The following SUSD5 variants were observed in gnomAD, a reference collection of about 807,000 sequenced individuals.
SUSD5 encodes sushi domain-containing protein 5.
Under a neutral mutation model 29.5 loss-of-function variants are expected in SUSD5, and 33 were observed. That is an observed-to-expected ratio of 1.12 (90% CI 0.85 to 1.49). The LOEUF is 1.49. SUSD5 is among the 40% of genes most tolerant of loss of function. The pLI is 0.00. For synonymous variants in SUSD5, 308 were observed against 325.3 expected (o/e 0.95, Z 0.57); for missense variants, 776 against 800.6 (o/e 0.97, Z 0.37).
At chr3:33,162,105 T>C (rs2031201863) in intron 4 of SUSD5, among the ~76,000 whole-genome samples, 1 of 152,212 alleles carries the variant, frequency 6.6e-6, no homozygotes, top group African/African-American at 2.4e-5. Flanking sequence ...GACTGAATCA[T>C]ACATACATTT....
At position 33,163,137 on chromosome 3, in the gene SUSD5, C is replaced by G. The variant is rs535713932; in HGVS notation, c.599-9104G>C. Among the ~76,000 whole-genome samples the G allele has an allele frequency of 6.6e-5, 10 of 152,170 alleles. No homozygotes were observed. In the South Asian group the frequency reaches 2.1e-3, roughly 32 times the overall value. On this transcript the variant is annotated intron_variant, in intron 4 of 4. Coordinates refer to ENST00000309558, the MANE Select transcript of SUSD5 (RefSeq NM_015551.2). ...TTAAGAGGATAATTCCAATCTTATA[C>G]AAACTCTTCCAGACAAAAGAGAAAG...
chr3:33,166,603 C>T (rs910181825), intron 4 of SUSD5, among the ~76,000 whole-genome samples: 5 of 152,188 alleles, frequency 3.3e-5, no homozygotes, highest in Admixed American at 6.5e-5. Context: ...TTCCTGAGAA[C>T]AAGGGCATGT....
At chr3:33,157,779 G>C (rs2031087283) in intron 4 of SUSD5, among the ~76,000 whole-genome samples, 1 of 152,214 alleles carries the variant, frequency 6.6e-6, no homozygotes, top group East Asian at 1.9e-4. Flanking sequence ...AAGGATAAAA[G>C]ACCCCATGAA....
intron 2 of SUSD5, among the ~76,000 whole-genome samples, chr3:33,210,136 T>C (rs1383240639): frequency 1.3e-5 from 2 of 152,256 alleles, no homozygotes; most frequent in South Asian, 2.1e-4. Context: ...TTGAAATTAA[T>C]TGAGGTCTAG....
chr3:33,183,325 T>C (rs1490460597), intron 3 of SUSD5, among the ~76,000 whole-genome samples: 1 of 152,238 alleles, frequency 6.6e-6, no homozygotes, highest in Non-Finnish European at 1.5e-5. Context: ...TTCTATGTTT[T>C]TTAAGTCTTT....
intron 3 of SUSD5, among the ~76,000 whole-genome samples, chr3:33,205,604 A>C (rs370052132): frequency 6.6e-6 from 1 of 152,180 alleles, no homozygotes; most frequent in African/African-American, 2.4e-5. Context: ...GGCTCCATGC[A>C]TTACAGTTGT....
intron 3 of SUSD5, among the ~76,000 whole-genome samples, chr3:33,202,452 T>C (rs1221474011): frequency 6.6e-6 from 1 of 152,120 alleles, no homozygotes; most frequent in Non-Finnish European, 1.5e-5. Context: ...CTCCTGTTTT[T>C]AAGGGCAATA....
At chr3:33,156,977 C>T (rs1371443230) in intron 4 of SUSD5, among the ~76,000 whole-genome samples, 3 of 152,204 alleles carry the variant, frequency 2.0e-5, no homozygotes, top group African/African-American at 7.2e-5. Context: ...AAAAGGACAG[C>T]CCAATCACAC....
chr3:33,187,543 A>T (rs1288655849), intron 3 of SUSD5, among the ~76,000 whole-genome samples: 2 of 152,144 alleles, frequency 1.3e-5, no homozygotes, highest in Non-Finnish European at 2.9e-5. Flanking sequence ...TCCTTTCACC[A>T]ATCTTCTCAT....
In SUSD5 at chr3:33,153,515, C is replaced by T. The variant is rs1428180927; in HGVS notation, c.1117G>A (p.Gly373Ser). The T allele has an allele frequency of 1.2e-6, 2 of 1,614,060 alleles. No individual in the cohort carries two copies. Among genetic ancestry groups the T allele is most frequent in the Non-Finnish European group, 8.5e-7 (1 of 1,179,978 alleles). Reference sequence around the variant, plus strand: ...CAAGCCCCCTCTGTCACAGGGTAGCCATCTAACCAGGACTCATCACTGCTG... The same window carrying T: ...CAAGCCCCCTCTGTCACAGGGTAGCTATCTAACCAGGACTCATCACTGCTG... ...VSSSDESWLDGYPVTEGAWRK... is the reference protein window; with the variant it reads ...VSSSDESWLDSYPVTEGAWRK... Residue 373 changes from glycine (G) to serine (S), a missense_variant, in exon 5 of 5, where the codon GGC (glycine) becomes AGC (serine). Coordinates refer to ENST00000309558, the MANE Select transcript of SUSD5 (RefSeq NM_015551.2).
intron 4 of SUSD5, among the ~76,000 whole-genome samples, chr3:33,173,166 CAGAG>C (rs2125620074): frequency 6.6e-6 from 1 of 152,282 alleles, no homozygotes; most frequent in Non-Finnish European, 1.5e-5. Flanking sequence ...TCACTATTAT[CAGAG>C]AAATGAATAT....
At chr3:33,195,689 T>C (rs1239705161) in intron 3 of SUSD5, among the ~76,000 whole-genome samples, 1 of 151,946 alleles carries the variant, frequency 6.6e-6, no homozygotes, top group Non-Finnish European at 1.5e-5. Context: ...ATTATAGCCA[T>C]TCTTTGAAGC....
At chr3:33,194,672 T>C (rs2031961845) in intron 3 of SUSD5, among the ~76,000 whole-genome samples, 1 of 152,024 alleles carries the variant, frequency 6.6e-6, no homozygotes, top group Admixed American at 6.6e-5. Context: ...GTAGTTCCAC[T>C]TAACTGATAA....
intron 4 of SUSD5, among the ~76,000 whole-genome samples, chr3:33,172,663 A>G (rs2031461007): frequency 6.6e-6 from 1 of 152,258 alleles, no homozygotes; most frequent in Non-Finnish European, 1.5e-5. Flanking sequence ...ACATTGCTCA[A>G]ACTGTGCTTT....
At chr3:33,161,101 C>T (rs1318534003) in intron 4 of SUSD5, among the ~76,000 whole-genome samples, 1 of 152,100 alleles carries the variant, frequency 6.6e-6, no homozygotes, top group Non-Finnish European at 1.5e-5. Flanking sequence ...GATGGAAGCT[C>T]AGAGATGCAG....
At chr3:33,170,341 G>A (rs1170450524) in intron 4 of SUSD5, among the ~76,000 whole-genome samples, 1 of 152,216 alleles carries the variant, frequency 6.6e-6, no homozygotes, top group African/African-American at 2.4e-5. Flanking sequence ...AACATGTGTG[G>A]ATTTTGACAG....
rs577267961 is a variant in SUSD5 at position 33,210,312 on chromosome 3, C to G, written c.291-2386G>C. ...CAGTTCACTGTACAGTGTACTGTGT[C>G]CAGCTTACCCTTAGGGCATAGCCCT... is the stretch of plus-strand genomic sequence containing the variant. On this transcript the variant is annotated intron_variant, in intron 2 of 4. Transcript: ENST00000309558. Among the ~76,000 whole-genome samples, 21 of 152,264 alleles carry G rather than the reference C, an allele frequency of 1.4e-4. No individual in the cohort carries two copies. In the South Asian group the frequency reaches 4.2e-3, roughly 30 times the overall value.
intron 3 of SUSD5, among the ~76,000 whole-genome samples, chr3:33,180,467 C>T (rs1175675961): frequency 6.6e-6 from 1 of 152,282 alleles, no homozygotes; most frequent in South Asian, 2.1e-4. Context: ...CTCAAGTGAT[C>T]CTCTTGCCCC....
In SUSD5 at chr3:33,152,735, AAG is replaced by A. The variant is rs376222454; in HGVS notation, c.*5_*6del. ...AGTGGCTTTGGGAGAACCCACTCCAAAGGTGCCTAGACCTTCTCCATCTCGAT... is the reference window on the plus strand; with the variant it reads ...AGTGGCTTTGGGAGAACCCACTCCAAGTGCCTAGACCTTCTCCATCTCGAT... On this transcript the variant is annotated 3_prime_UTR_variant, in exon 5 of 5. Coordinates refer to ENST00000309558, the MANE Select transcript of SUSD5 (RefSeq NM_015551.2). 4.4e-6 allele frequency: 7 copies of A among 1,591,930 alleles called. No homozygotes were observed. In the African/African-American group the frequency reaches 5.4e-5, roughly 12 times the overall value.
Sources: gnomAD v4.1 joint callset for allele counts (sites outside exome capture counted in the v4.1 genomes callset) on GRCh38, gnomAD v4.1.1 for gene constraint, MANE v1.5 for transcripts, NCBI Gene and HGNC (gene_info 2026-07-23, HGNC 2026-07-21) for gene names.